DSTYK: variants seen among roughly 807,000 people sequenced by gnomAD.
The protein encoded by DSTYK is dual serine/threonine and tyrosine protein kinase, also known as RIP-homologous kinase.
In DSTYK, 34 loss-of-function variants were observed where a neutral mutation model predicts 98.7. The ratio of observed to expected loss-of-function variants is 0.34; its 90% CI spans 0.26 to 0.46. The LOEUF is 0.46. DSTYK is among the 20% of genes least tolerant of loss of function. DSTYK has a pLI of 1.00. For missense variants in DSTYK, 962 were observed against 1,181.7 expected, an observed-to-expected ratio of 0.81 and a Z score of 2.73; for synonymous variants, 462 against 457.3, an observed-to-expected ratio of 1.01 and a Z score of -0.13.
intron 2 of DSTYK, among the ~76,000 whole-genome samples, chr1:205,185,177 G>A (rs1558618324): frequency 6.6e-6 from 1 of 151,874 alleles, no homozygotes; most frequent in East Asian, 1.9e-4. Context: ...CTCCAGCCTG[G>A]GCCACAGAGC....
At chr1:205,195,281 A>G (rs1658833194) in intron 1 of DSTYK, among the ~76,000 whole-genome samples, 1 of 152,216 alleles carries the variant, frequency 6.6e-6, no homozygotes, top group African/African-American at 2.4e-5. Flanking sequence ...GTGATGTTTT[A>G]TTTCTTACTA....
rs530321474 is a variant in DSTYK at position 205,185,757 on chromosome 1, C to T, written c.654+1661G>A. On this transcript the variant is annotated intron_variant, in intron 2 of 12. Transcript: ENST00000367162. Reference sequence around the variant, plus strand: ...ATAAAAAAGTAGCCAGGCGTGGTGGCTCACGCCTGTAATCCCAGCACTTTG... The same window carrying T: ...ATAAAAAAGTAGCCAGGCGTGGTGGTTCACGCCTGTAATCCCAGCACTTTG... Among the ~76,000 whole-genome samples, 10 of 152,336 alleles carry T rather than the reference C, an allele frequency of 6.6e-5. No homozygotes were observed. The East Asian group carries it at 1.9e-3, about 29-fold the overall frequency.
chr1:205,155,284 C>G (rs1035411813), intron 10 of DSTYK, among the ~76,000 whole-genome samples: 1 of 151,876 alleles, frequency 6.6e-6, no homozygotes, highest in South Asian at 2.1e-4. Context: ...ATACCCACCC[C>G]GGAAGAAATT....
intron 1 of DSTYK, among the ~76,000 whole-genome samples, chr1:205,203,455 T>A (rs1260953432): frequency 8.1e-6 from 1 of 123,300 alleles, no homozygotes; most frequent in Non-Finnish European, 1.7e-5. Flanking sequence ...GCAACAAGAG[T>A]GAGACTGTCT....
At chr1:205,178,104 TTAGA>T (rs1469682089) in intron 2 of DSTYK, among the ~76,000 whole-genome samples, 12 of 152,002 alleles carry the variant, frequency 7.9e-5, no homozygotes, top group African/African-American at 2.9e-4. Context: ...GATATAAGAC[TTAGA>T]AAAAACAGAA....
intron 5 of DSTYK, among the ~76,000 whole-genome samples, 185 bp from the exon 6 acceptor site, chr1:205,162,397 A>G (rs1337183938): frequency 6.6e-6 from 1 of 152,234 alleles, no homozygotes; most frequent in Non-Finnish European, 1.5e-5. Flanking sequence ...GCCCAGAGAA[A>G]AGCATCAAAG....
chr1:205,209,562 TCCA>T (rs1318116239), intron 1 of DSTYK, among the ~76,000 whole-genome samples: 16 of 91,604 alleles, frequency 1.7e-4, no homozygotes, highest in Admixed American at 3.8e-4. Context: ...ATGATACCGT[TCCA>T]TTTAGTTGGT....
At position 205,202,268 on chromosome 1, in the gene DSTYK, T is replaced by TA. The variant is rs554060354; in HGVS notation, c.265+9002dup. 632 of 626,478 alleles carry TA rather than the reference T, an allele frequency of 1.0e-3. 5 individuals are homozygous for TA. Among genetic ancestry groups the TA allele is most frequent in the Admixed American group, 2.7e-3 (147 of 54,508 alleles). The allele number at this position is 626,478 out of a possible 1,614,324, so 38.8% of individuals were successfully genotyped here. On this transcript the variant is annotated intron_variant, in intron 1 of 12. Transcript: ENST00000367162. ...GAGGTTCAAATCTTCGTGTTCACTT[T>TA]AAGAATACTCATGACACTTCTCAGG... is the stretch of plus-strand genomic sequence containing the variant.
At chr1:205,161,991 T>G (rs757430092) in intron 6 of DSTYK, 45 bp downstream of exon 6, 3 of 1,583,896 alleles carry the variant, frequency 1.9e-6, no homozygotes, top group Admixed American at 3.5e-5. Flanking sequence ...TGGATGAGGC[T>G]CTTCTCTGCT....
At chr1:205,195,651 G>A (rs1658844491) in intron 1 of DSTYK, among the ~76,000 whole-genome samples, 1 of 152,208 alleles carries the variant, frequency 6.6e-6, no homozygotes, top group Non-Finnish European at 1.5e-5. Context: ...AGCTCTCGCT[G>A]GAATCGGAAA....
chr1:205,164,645 T>G (rs552449357), intron 3 of DSTYK, among the ~76,000 whole-genome samples: 1 of 152,168 alleles, frequency 6.6e-6, no homozygotes, highest in Admixed American at 6.5e-5. Flanking sequence ...GTATTTTTAG[T>G]AGAGACGGGG....
intron 2 of DSTYK, among the ~76,000 whole-genome samples, chr1:205,186,699 A>G (rs1658567909): frequency 6.6e-6 from 1 of 152,252 alleles, no homozygotes; most frequent in African/African-American, 2.4e-5. Context: ...TCCAGTAGGA[A>G]AGGAAACGCA....
chr1:205,184,044 A>G (rs1658496529), intron 2 of DSTYK, among the ~76,000 whole-genome samples: 1 of 152,116 alleles, frequency 6.6e-6, no homozygotes, highest in African/African-American at 2.4e-5. Flanking sequence ...ATATTTTTTA[A>G]CTATGCTGAG....
chr1:205,190,037 C>T (rs1215804454), intron 1 of DSTYK, among the ~76,000 whole-genome samples: 1 of 152,170 alleles, frequency 6.6e-6, no homozygotes, highest in East Asian at 1.9e-4. Flanking sequence ...TCCTTCATAC[C>T]TTATTCTCAA....
At chr1:205,161,524 A>ATT in intron 6 of DSTYK, 137 bp from the exon 7 acceptor site, 1 of 935,990 alleles carries the variant, frequency 1.1e-6, no homozygotes, top group Non-Finnish European at 1.6e-6. Context: ...CATGTTTAGC[A>ATT]CAGAGACTGG....
Position 205,169,748 on chromosome 1 carries a change from C to T in DSTYK, c.739G>A (p.Val247Met), listed in dbSNP as rs1203920214. 5 of 1,614,088 alleles carry T rather than the reference C, an allele frequency of 3.1e-6. No homozygotes were observed. The highest frequency in any genetic ancestry group is 1.6e-4 in the Middle Eastern group (1 of 6,084). The stretch of plus-strand genomic sequence containing the variant: ...TCTTTGTGGAGTGCATAGGTTATCA[C>T]AGGCAAGAAATCATTCACCAAGTCA... ...LGDLVNDFLP[V>M]ITYALHKDEL... Residue 247 changes from valine to methionine, a missense_variant, in exon 3 of 13, where the codon GTG becomes ATG. By Grantham distance (21) the Val-to-Met change is conservative. This residue lies in a region of DSTYK where 660 missense variants were observed against 855.0 expected (regional missense o/e 0.77). Transcript: ENST00000367162. This position sits in a 1 kb window ranked among gnomAD's most constrained non-coding sequence, Gnocchi z 4.0.
intron 1 of DSTYK, among the ~76,000 whole-genome samples, chr1:205,208,898 T>G (rs531859516): frequency 6.6e-6 from 1 of 152,272 alleles, no homozygotes; most frequent in South Asian, 2.1e-4. Flanking sequence ...TCACTAACTT[T>G]CCTTGGTGCA....
chr1:205,165,927 T>A (rs1657874139), intron 3 of DSTYK, among the ~76,000 whole-genome samples: 1 of 151,794 alleles, frequency 6.6e-6, no homozygotes, highest in East Asian at 1.9e-4. Flanking sequence ...GAGGCTGAGG[T>A]GGGAGGATTC....
At chr1:205,157,071 C>T (rs371563534) in intron 10 of DSTYK, among the ~76,000 whole-genome samples, 115 of 152,322 alleles carry the variant, frequency 7.5e-4, no homozygotes, top group African/African-American at 2.7e-3. Flanking sequence ...GCCTCTCCAA[C>T]CCTGTGGAAC....
Sources: allele counts gnomAD v4.1 joint callset (sites outside exome capture counted in the v4.1 genomes callset), GRCh38; gene constraint gnomAD v4.1.1; regional missense constraint gnomAD v4.1.1; non-coding constraint Gnocchi (gnomAD v3.1); transcripts MANE v1.5; gene names NCBI Gene and HGNC (gene_info 2026-07-23, HGNC 2026-07-21).